The following KAZN variants were observed in gnomAD, a reference collection of about 807,000 sequenced individuals.
KAZN encodes the protein kazrin.
Under a neutral mutation model 87.4 loss-of-function variants are expected in KAZN, and 40 were observed. The ratio of observed to expected loss-of-function variants is 0.46; its 90% CI spans 0.36 to 0.60. KAZN has a LOEUF of 0.60. Among genes scored for constraint, KAZN ranks in the 20% least tolerant of loss-of-function variants. The probability of loss-of-function intolerance (pLI) is 0.00; values close to 1 mark genes in which losing one functional copy is unlikely to be tolerated. For missense variants in KAZN, 898 were observed against 1,073.9 expected, an observed-to-expected ratio of 0.84 and a Z score of 2.29; for synonymous variants, 466 against 458.3, an observed-to-expected ratio of 1.02 and a Z score of -0.22.
chr1:15,060,621 A>G (rs1051546143), intron 6 of KAZN: 3 of 349,566 alleles, frequency 8.6e-6, no homozygotes, highest in East Asian at 5.5e-5. Context: ...CCTCCCACAC[A>G]TTACCTTCCA....
chr1:14,318,098 T>C (rs1456599486), intron 2 of KAZN, among the ~76,000 whole-genome samples: 1 of 152,038 alleles, frequency 6.6e-6, no homozygotes, highest in Non-Finnish European at 1.5e-5. Context: ...ATTGTTTTCA[T>C]TTTAAACAGG....
intron 1 of KAZN, among the ~76,000 whole-genome samples, chr1:14,715,464 C>T (rs943066731): frequency 1.3e-5 from 2 of 152,206 alleles, no homozygotes; most frequent in African/African-American, 2.4e-5. Context: ...TTCCTCCATT[C>T]GCAGCAGAGC....
At chr1:14,416,884 GT>G (rs1159452678) in intron 2 of KAZN, among the ~76,000 whole-genome samples, 1 of 151,992 alleles carries the variant, frequency 6.6e-6, no homozygotes, top group Non-Finnish European at 1.5e-5. Context: ...GAGATCAGGA[GT>G]TTAAGACCAG....
chr1:14,760,821 T>C (rs564753816), intron 1 of KAZN, among the ~76,000 whole-genome samples: 2 of 152,276 alleles, frequency 1.3e-5, no homozygotes, highest in South Asian at 2.1e-4. Flanking sequence ...TTCCTAACAA[T>C]GGGGCTTAGC....
chr1:14,883,195 T>A (rs1653526399), intron 1 of KAZN, among the ~76,000 whole-genome samples: 1 of 151,494 alleles, frequency 6.6e-6, no homozygotes, highest in Non-Finnish European at 1.5e-5. Context: ...CTCAGGAGGC[T>A]GAGGCAGGAG....
intron 2 of KAZN, among the ~76,000 whole-genome samples, chr1:14,578,543 G>A (rs1675336486): frequency 6.6e-6 from 1 of 152,126 alleles, no homozygotes; most frequent in Non-Finnish European, 1.5e-5. Flanking sequence ...TCTACTAATG[G>A]AAATATGTCC....
intron 2 of KAZN, among the ~76,000 whole-genome samples, chr1:14,290,936 C>T (rs1402653622): frequency 6.6e-6 from 1 of 152,198 alleles, no homozygotes; most frequent in Non-Finnish European, 1.5e-5. Context: ...ACAGTCAGGT[C>T]CCTCAGCTGC....
intron 2 of KAZN, among the ~76,000 whole-genome samples, chr1:14,990,250 T>C (rs1667221946): frequency 6.6e-6 from 1 of 152,084 alleles, no homozygotes; most frequent in East Asian, 1.9e-4. Flanking sequence ...GGAGACAGGG[T>C]CTGGCTCTGT....
At chr1:14,913,628 T>C (rs772971318) in intron 1 of KAZN, among the ~76,000 whole-genome samples, 1 of 152,252 alleles carries the variant, frequency 6.6e-6, no homozygotes, top group Non-Finnish European at 1.5e-5. Flanking sequence ...GCTTGGCCCA[T>C]GCTGGGGCCA....
rs373116726 is a variant in KAZN at position 15,099,843 on chromosome 1, C to T, written c.1548-1700C>T. ...AAGTGGCAGAAACCCACACCAGAGA[C>T]GCCTGCAGCTTAGAGCTGGGAAAGG... On this transcript the variant is annotated intron_variant, in intron 10 of 14. Coordinates refer to ENST00000376030, the MANE Select transcript of KAZN (RefSeq NM_201628.3). This position sits in a 1 kb window ranked among gnomAD's most constrained non-coding sequence, Gnocchi z 5.4. Among the ~76,000 whole-genome samples, 970 of 152,250 alleles carry T rather than the reference C, an allele frequency of 6.4e-3. 14 individuals are homozygous for T. Among genetic ancestry groups the T allele is most frequent in the South Asian group, 0.035 (170 of 4,808 alleles).
At chr1:14,897,241 G>C (rs955117411) in intron 1 of KAZN, among the ~76,000 whole-genome samples, 1 of 152,158 alleles carries the variant, frequency 6.6e-6, no homozygotes, top group Non-Finnish European at 1.5e-5. Context: ...GCAGCTCAGA[G>C]CAAACCACTC....
chr1:14,239,037 T>C (rs1648680397), intron 2 of KAZN, among the ~76,000 whole-genome samples: 1 of 152,218 alleles, frequency 6.6e-6, no homozygotes, highest in Admixed American at 6.5e-5. Flanking sequence ...CAGATTCTCT[T>C]GGAATTTCAA....
At chr1:14,861,580 T>C (rs893130987) in intron 1 of KAZN, among the ~76,000 whole-genome samples, 2 of 152,142 alleles carry the variant, frequency 1.3e-5, no homozygotes, top group Admixed American at 6.5e-5. Flanking sequence ...CACCATTCAT[T>C]ACTACGACTT....
In KAZN at chr1:14,558,498, T is replaced by TATTGATAG. The variant is rs528095409; in HGVS notation, c.250-40481_250-40474dup. ...CATTGTGATAAATACAGATTGGTAA[T>TATTGATAG]ATTGATAGATTTTTAAATGCTTTCT... On this transcript the variant is annotated intron_variant, in intron 2 of 16. Transcript: ENST00000636203. Among the ~76,000 whole-genome samples the TATTGATAG allele has an allele frequency of 4.4e-4, 67 of 152,324 alleles. 1 individual carries two copies. The South Asian group carries it at 0.012, about 26-fold the overall frequency.
At chr1:14,172,167 T>C (rs1304562348) in intron 1 of KAZN, among the ~76,000 whole-genome samples, 1 of 152,218 alleles carries the variant, frequency 6.6e-6, no homozygotes, top group East Asian at 1.9e-4. Context: ...ATAAACTGGT[T>C]TTTATGACTC....
chr1:14,019,166 T>A (rs1044955818), intron 1 of KAZN, among the ~76,000 whole-genome samples: 5 of 152,264 alleles, frequency 3.3e-5, no homozygotes, highest in Non-Finnish European at 5.9e-5. Context: ...CGACTTGTTT[T>A]GTGTAACATG....
intron 2 of KAZN, among the ~76,000 whole-genome samples, chr1:14,421,121 C>T (rs1468317023): frequency 6.6e-6 from 1 of 152,230 alleles, no homozygotes; most frequent in Non-Finnish European, 1.5e-5. Context: ...TAGGTTATAG[C>T]TAGAGCTACT....
intron 2 of KAZN, among the ~76,000 whole-genome samples, chr1:14,420,880 C>T (rs1665366783): frequency 6.7e-6 from 1 of 149,708 alleles, no homozygotes; most frequent in Non-Finnish European, 1.5e-5. Context: ...CCGCCCGCAC[C>T]TCTCCCTCCA....
At chr1:13,959,333 A>G (rs1254563168) in intron 1 of KAZN, among the ~76,000 whole-genome samples, 1 of 152,158 alleles carries the variant, frequency 6.6e-6, no homozygotes, top group African/African-American at 2.4e-5. Context: ...CAGAATCTCT[A>G]TTGCAGTAGC....
Sources: allele counts gnomAD v4.1 joint callset (sites outside exome capture counted in the v4.1 genomes callset), GRCh38; gene constraint gnomAD v4.1.1; non-coding constraint Gnocchi (gnomAD v3.1); transcripts MANE v1.5; gene names NCBI Gene and HGNC (gene_info 2026-07-23, HGNC 2026-07-21).